FREM1: variants seen among roughly 807,000 people sequenced by gnomAD.
The protein encoded by FREM1 is FRAS1 related extracellular matrix 1.
A neutral mutation model predicts 210.1 loss-of-function variants in FREM1; 220 were observed. The ratio of observed to expected loss-of-function variants is 1.05; its 90% CI spans 0.94 to 1.17. The LOEUF (loss-of-function observed/expected upper bound fraction) is 1.17. Among genes scored for constraint, FREM1 ranks in the 50% most tolerant of loss-of-function variants. The pLI, the probability that FREM1 is intolerant of heterozygous loss-of-function variation, is 0.00. For missense variants in FREM1, 3,454 were observed against 2,675.5 expected (o/e 1.29, Z -6.42); for synonymous variants, 1,189 against 980.2 (o/e 1.21, Z -3.98).
At chr9:14,783,544 C>G (rs1849952929) in intron 24 of FREM1, among the ~76,000 whole-genome samples, 1 of 152,152 alleles carries the variant, frequency 6.6e-6, no homozygotes, top group Admixed American at 6.5e-5. Context: ...GTTCAAAGTC[C>G]AACATTTCCC....
intron 1 of FREM1, among the ~76,000 whole-genome samples, chr9:14,882,282 T>A (rs77476749): frequency 6.6e-6 from 1 of 152,030 alleles, no homozygotes; most frequent in South Asian, 2.1e-4. Flanking sequence ...TAGTAAACCC[T>A]TAACTGAGAG....
intron 15 of FREM1, among the ~76,000 whole-genome samples, chr9:14,815,229 A>G (rs1381930854): frequency 6.6e-6 from 1 of 152,102 alleles, no homozygotes; most frequent in African/African-American, 2.4e-5. Context: ...TGACCTAGGT[A>G]ACAAAGAGTG....
At chr9:14,878,082 C>T (rs1455510483) in intron 1 of FREM1, among the ~76,000 whole-genome samples, 7 of 152,144 alleles carry the variant, frequency 4.6e-5, no homozygotes, top group Non-Finnish European at 7.3e-5. Flanking sequence ...AGGCATTTCT[C>T]GGCATCACAG....
intron 21 of FREM1, 145 bp from the exon 22 acceptor site, chr9:14,793,029 G>C: frequency 1.8e-6 from 1 of 568,528 alleles, no homozygotes; most frequent in East Asian, 2.9e-5. Context: ...TGACTAGTGA[G>C]AGGAATGAAA....
At chr9:14,775,758 C>T (rs1188204316) in intron 25 of FREM1, 31 bp downstream of exon 25, 3 of 1,126,540 alleles carry the variant, frequency 2.7e-6, no homozygotes, top group African/African-American at 3.2e-5. Context: ...TTTCACATCT[C>T]TGGCAAATGA....
chr9:14,876,701 G>C (rs1214148666), intron 1 of FREM1, among the ~76,000 whole-genome samples: 1 of 152,160 alleles, frequency 6.6e-6, no homozygotes. Flanking sequence ...TGCGCCCACT[G>C]TCTGGCACTC....
intron 20 of FREM1, among the ~76,000 whole-genome samples, chr9:14,798,194 C>T (rs1240478931): frequency 6.6e-6 from 1 of 151,892 alleles, no homozygotes; most frequent in Non-Finnish European, 1.5e-5. Flanking sequence ...AGATGTGCAC[C>T]CAGATTTATA....
intron 25 of FREM1, among the ~76,000 whole-genome samples, chr9:14,772,269 A>G (rs924378048): frequency 7.2e-5 from 11 of 152,142 alleles, no homozygotes; most frequent in African/African-American, 2.2e-4. Context: ...CCAAAATACT[A>G]TTTATAATAG....
chr9:14,861,122 T>C (rs1345638582), intron 3 of FREM1, among the ~76,000 whole-genome samples: 4 of 103,160 alleles, frequency 3.9e-5, no homozygotes, highest in African/African-American at 2.1e-4. Flanking sequence ...TATATATACA[T>C]ATATACACAT....
In FREM1 at chr9:14,838,187, T is replaced by A. The variant is rs79077092; in HGVS notation, c.1881+3260A>T. 6.7e-3 allele frequency among the ~76,000 whole-genome samples: 1,028 copies of A among 152,314 alleles called. 11 individuals carry two copies. The highest frequency in any genetic ancestry group is 0.023 in the African/African-American group (976 of 41,582). On this transcript the variant is annotated intron_variant, in intron 10 of 36. Coordinates refer to ENST00000380880, the MANE Select transcript of FREM1 (RefSeq NM_001379081.2). ...AAATTGAGTATTCTGAATGCCATTG[T>A]TGTAGACAAAATTGGCATTGCTCAT...
intron 8 of FREM1, among the ~76,000 whole-genome samples, chr9:14,845,573 G>A (rs959498688): frequency 1.3e-5 from 2 of 152,148 alleles, no homozygotes; most frequent in African/African-American, 2.4e-5. Flanking sequence ...CCAAAATGTT[G>A]GGATTACAGG....
chr9:14,815,517 G>C (rs1820133567), intron 15 of FREM1, among the ~76,000 whole-genome samples: 1 of 152,096 alleles, frequency 6.6e-6, no homozygotes, highest in Non-Finnish European at 1.5e-5. Context: ...CAGGGAACAT[G>C]GTATATTTTT....
chr9:14,776,641 C>A (rs548504425), intron 24 of FREM1, among the ~76,000 whole-genome samples: 1 of 152,136 alleles, frequency 6.6e-6, no homozygotes, highest in Admixed American at 6.5e-5. Context: ...GTAAGTCTGA[C>A]AACTGGGAGG....
intron 5 of FREM1, among the ~76,000 whole-genome samples, 155 bp from the exon 6 acceptor site, chr9:14,851,762 A>G (rs1300695694): frequency 6.6e-6 from 1 of 152,188 alleles, no homozygotes; most frequent in African/African-American, 2.4e-5. Flanking sequence ...GGAGCTTTAA[A>G]CACATGCTGG....
chr9:14,866,872 T>G (rs1014304052), intron 2 of FREM1, among the ~76,000 whole-genome samples: 2 of 152,004 alleles, frequency 1.3e-5, no homozygotes, highest in Non-Finnish European at 2.9e-5. Context: ...CCTTTCTTTT[T>G]TTTTTCAGAC....
chr9:14,771,594 G>T (rs1052489130), intron 25 of FREM1, among the ~76,000 whole-genome samples: 1 of 152,084 alleles, frequency 6.6e-6, no homozygotes, highest in Non-Finnish European at 1.5e-5. Flanking sequence ...AGCAGGTTTG[G>T]ATGGATTAGA....
At chr9:14,774,050 C>A in intron 25 of FREM1, 1 of 508,002 alleles carries the variant, frequency 2.0e-6, no homozygotes, top group South Asian at 1.5e-5. Context: ...AATTTTAATA[C>A]AAAGTGCTTC....
intron 20 of FREM1, among the ~76,000 whole-genome samples, 158 bp downstream of exon 20, chr9:14,801,494 T>A (rs1817279259): frequency 6.6e-6 from 1 of 152,230 alleles, no homozygotes; most frequent in East Asian, 1.9e-4. Context: ...TTCATATCCT[T>A]TAACCAACAT....
intron 1 of FREM1, among the ~76,000 whole-genome samples, chr9:14,903,564 T>A (rs1187454986): frequency 6.6e-6 from 1 of 152,160 alleles, no homozygotes; most frequent in African/African-American, 2.4e-5. Flanking sequence ...GACCTCATCA[T>A]TTCATCTGGA....
Sources: gnomAD v4.1 joint callset for allele counts (sites outside exome capture counted in the v4.1 genomes callset) on GRCh38, gnomAD v4.1.1 for gene constraint, MANE v1.5 for transcripts, NCBI Gene and HGNC (gene_info 2026-07-23, HGNC 2026-07-21) for gene names.